NUP155: variants seen among roughly 807,000 people sequenced by gnomAD.
NUP155 encodes the protein nuclear pore complex protein Nup155.
A neutral mutation model predicts 180.4 loss-of-function variants in NUP155; 71 were observed. The ratio of observed to expected loss-of-function variants is 0.39; its 90% CI spans 0.33 to 0.48. The LOEUF is 0.48. Ranked by LOEUF, NUP155 falls within the 20% of genes least tolerant of loss-of-function variation. The probability of loss-of-function intolerance (pLI) is 0.91; values close to 1 mark genes in which losing one functional copy is unlikely to be tolerated. For synonymous variants in NUP155, 582 were observed against 559.5 expected (o/e 1.04, Z -0.57); for missense variants, 1,553 against 1,648.9 (o/e 0.94, Z 1.01).
intron 5 of NUP155, among the ~76,000 whole-genome samples, chr5:37,351,727 G>A (rs1031197691): frequency 1.4e-5 from 2 of 143,560 alleles, no homozygotes; most frequent in African/African-American, 2.7e-5. Context: ...AAGATTACAG[G>A]CAAGAGCCAC....
At chr5:37,329,967 A>G in intron 15 of NUP155, 71 bp downstream of exon 15, 1 of 1,085,430 alleles carries the variant, frequency 9.2e-7, no homozygotes, top group South Asian at 1.3e-5. Context: ...GCTTTATCAC[A>G]TTGATAAAAT....
Position 37,327,683 on chromosome 5 carries a change from A to C in NUP155, c.1970T>G (p.Ile657Ser). The change falls in exon 18 of 35, where the codon ATT becomes AGT. Residue 657 changes from isoleucine (I) to serine (S), a missense_variant. Ile to Ser is a moderately radical substitution (Grantham distance 142). Transcript: ENST00000231498. ...ACCATTGTGTTTTCCAGAGTACACA[A>C]TCTCTGGTCCAGTCACACAACTCAT... is the stretch of plus-strand genomic sequence containing the variant. ...TNMSCVTGPE[I>S]VYSGKHNGIC... 6.2e-7 allele frequency: 1 copy of C among 1,614,074 alleles called. No individual in the cohort carries two copies. Among genetic ancestry groups the C allele is most frequent in the Non-Finnish European group, 8.5e-7 (1 of 1,179,954 alleles).
intron 19 of NUP155, 49 bp downstream of exon 19, chr5:37,325,852 C>T: frequency 1.8e-6 from 2 of 1,096,630 alleles, no homozygotes; most frequent in East Asian, 4.7e-5. Flanking sequence ...ACCATTTATA[C>T]CATCAACTGG....
chr5:37,366,723 C>G (rs1445220862), intron 1 of NUP155, among the ~76,000 whole-genome samples: 1 of 150,322 alleles, frequency 6.7e-6, no homozygotes, highest in African/African-American at 2.5e-5. Context: ...CTGATCTCAG[C>G]TCACTGCAAG....
At chr5:37,318,498 CATCTGAAATGTCCCCAA>C (rs147060279) in intron 20 of NUP155, among the ~76,000 whole-genome samples, 6,880 of 149,544 alleles carry the variant, frequency 0.046, 174 homozygotes, top group South Asian at 0.08. Context: ...AAAAAACTAA[CATCTGAAATGTCCCCAA>C]ATCTGAAACG....
Position 37,293,650 on chromosome 5 carries a change from A to C in NUP155, c.3931-665T>G, listed in dbSNP as rs1742351843. ...GTGAGAAGGATCTTTAAGCACTGAT[A>C]TTTTAGATGAGGTTATAGTAAATAA... On this transcript the variant is annotated intron_variant, in intron 33 of 34. Transcript: ENST00000231498. 2.6e-5 allele frequency among the ~76,000 whole-genome samples: 4 copies of C among 152,188 alleles called. No homozygotes were observed. The South Asian group carries it at 8.3e-4, about 32-fold the overall frequency.
At chr5:37,321,142 T>TC (rs1486736725) in intron 20 of NUP155, among the ~76,000 whole-genome samples, 2 of 150,816 alleles carry the variant, frequency 1.3e-5, no homozygotes, top group African/African-American at 2.5e-5. Context: ...GGTCAAGAGT[T>TC]CAAGATCAGC....
At chr5:37,297,737 CATTT>C (rs1742661728) in intron 32 of NUP155, among the ~76,000 whole-genome samples, 1 of 151,956 alleles carries the variant, frequency 6.6e-6, no homozygotes, top group Admixed American at 6.6e-5. Flanking sequence ...CACTTATAAA[CATTT>C]ATATAAAGTA....
In NUP155 at chr5:37,331,757, T is replaced by C. The variant is rs748600216; in HGVS notation, c.1557A>G (p.Gln519=). Residue 519 remains glutamine (Q), a synonymous_variant, in exon 14 of 35, where the codon CAA becomes CAG. Transcript: ENST00000231498. The part of the protein sequence containing the change: ...LMFHKLRPVD[Q]LRHLLVSNVG... ...CATTACTCACAAGTAGATGCCTCAG[T>C]TGATCTACAGGTCTAAGTTTATGAA... 9.9e-6 allele frequency: 16 copies of C among 1,611,484 alleles called. No individual in the cohort carries two copies. The East Asian group carries it at 2.2e-4, about 22-fold the overall frequency.
chr5:37,289,460 C>T lies in NUP155; in HGVS notation c.*2440G>A, dbSNP rs537574676. On this transcript the variant is annotated 3_prime_UTR_variant, in exon 35 of 35. Transcript: ENST00000231498. ...TCAAGAATCTGTCATAACAGGCTAT[C>T]CGGCTGATTGTTCTGAATGTGAAAG... 6.6e-6 allele frequency: 1 copy of T among 152,216 alleles called. No individual in the cohort carries two copies. The highest frequency in any genetic ancestry group is 1.5e-5 in the Non-Finnish European group (1 of 68,046). The allele number at this position is 152,216 out of a possible 1,614,324, so 9.4% of individuals were successfully genotyped here. A position where few individuals can be genotyped will look rare whatever the true frequency, so the allele number is the denominator to read the frequency against.
chr5:37,290,465 G>A lies in NUP155; in HGVS notation c.*1435C>T, dbSNP rs1280956239. 1.3e-5 allele frequency: 2 copies of A among 149,560 alleles called. No individual in the cohort carries two copies. The highest frequency in any genetic ancestry group is 2.9e-5 in the Non-Finnish European group (2 of 67,826). 9.3% of individuals were successfully genotyped at this position (149,560 alleles called of 1,614,324 possible). ...TGCACTCCAGGCTGGGCTACAGGGT[G>A]AGATTCTGTCTCCAAAAAAAAAAAA... On this transcript the variant is annotated 3_prime_UTR_variant, in exon 35 of 35. Coordinates refer to ENST00000231498, the MANE Select transcript of NUP155 (RefSeq NM_153485.3).
chr5:37,324,167 T>C (rs949380541), intron 19 of NUP155, 60 bp from the exon 20 acceptor site: 11 of 963,210 alleles, frequency 1.1e-5, no homozygotes, highest in Non-Finnish European at 1.8e-5. Context: ...AGCTATAATA[T>C]AAACAATTTT....
chr5:37,295,888 C>T (rs1742522356), intron 32 of NUP155, among the ~76,000 whole-genome samples: 1 of 148,600 alleles, frequency 6.7e-6, no homozygotes, highest in Non-Finnish European at 1.5e-5. Flanking sequence ...GGGGGTCAGC[C>T]CCCCGCCTGG....
At chr5:37,329,432 A>G (rs190016327) in intron 15 of NUP155, among the ~76,000 whole-genome samples, 154 bp from the exon 16 acceptor site, 3 of 152,358 alleles carry the variant, frequency 2.0e-5, no homozygotes, top group Admixed American at 1.3e-4. Context: ...TATGCATAAG[A>G]CTTATAATAA....
intron 12 of NUP155, 68 bp from the exon 13 acceptor site, chr5:37,333,701 G>T: frequency 8.8e-7 from 1 of 1,137,828 alleles, no homozygotes; most frequent in South Asian, 1.3e-5. Context: ...AAAAACTACA[G>T]ACTTAATAAA....
intron 15 of NUP155, among the ~76,000 whole-genome samples, chr5:37,329,485 G>C (rs1205589274): frequency 6.6e-6 from 1 of 152,046 alleles, no homozygotes; most frequent in East Asian, 1.9e-4. Context: ...CTACCAGGAA[G>C]AATTATAAGG....
chr5:37,325,009 G>A (rs749416652), intron 19 of NUP155, among the ~76,000 whole-genome samples: 2 of 152,092 alleles, frequency 1.3e-5, no homozygotes, highest in African/African-American at 2.4e-5. Flanking sequence ...AAATCAGCTG[G>A]GCATGGTGGC....
At chr5:37,362,222 A>G (rs932156961) in intron 3 of NUP155, among the ~76,000 whole-genome samples, 3 of 152,204 alleles carry the variant, frequency 2.0e-5, no homozygotes, top group African/African-American at 4.8e-5. Flanking sequence ...TGTCAGATAC[A>G]TAAGATCAAT....
chr5:37,328,976 G>A (rs1744783011), intron 16 of NUP155, among the ~76,000 whole-genome samples: 1 of 152,158 alleles, frequency 6.6e-6, no homozygotes, highest in East Asian at 1.9e-4. Context: ...AATGAGTTAT[G>A]TAAATATGAT....
Sources: gnomAD v4.1 joint callset for allele counts (sites outside exome capture counted in the v4.1 genomes callset) on GRCh38, gnomAD v4.1.1 for gene constraint, MANE v1.5 for transcripts, NCBI Gene and HGNC (gene_info 2026-07-23, HGNC 2026-07-21) for gene names.